TRAP1: variants seen among roughly 807,000 people sequenced by gnomAD.
The protein encoded by TRAP1 is heat shock protein 75 kDa, mitochondrial.
In TRAP1, 102 loss-of-function variants were observed where a neutral mutation model predicts 89.1. The observed-to-expected ratio is 1.15, with a 90% CI of 0.98 to 1.35. TRAP1 has a LOEUF of 1.35. Among genes scored for constraint, TRAP1 ranks in the 40% most tolerant of loss-of-function variants. The pLI is 0.00. For synonymous variants in TRAP1, 508 were observed against 388.0 expected (o/e 1.31, Z -3.64); for missense variants, 1,256 against 945.3 (o/e 1.33, Z -4.31).
Position 3,675,404 on chromosome 16 carries a change from G to T in TRAP1, c.815-7C>A, listed in dbSNP as rs376806496. 1.9e-6 allele frequency: 3 copies of T among 1,613,862 alleles called. No homozygotes were observed. Among genetic ancestry groups the T allele is most frequent in the African/African-American group, 2.7e-5 (2 of 74,930 alleles). On this transcript the variant is annotated splice_region_variant and splice_polypyrimidine_tract_variant and intron_variant, in intron 7 of 17. Coordinates refer to ENST00000246957, the MANE Select transcript of TRAP1 (RefSeq NM_016292.3). The stretch of plus-strand genomic sequence containing the variant: ...CTGTACTTCGTTACCACATCTGGAA[G>T]GGACAAAAGAAAAACCACACTGCAT...
intron 1 of TRAP1, among the ~76,000 whole-genome samples, chr16:3,705,195 G>C (rs1003689213): frequency 6.6e-6 from 1 of 152,048 alleles, no homozygotes; most frequent in Non-Finnish European, 1.5e-5. Context: ...GTCCCGAGTA[G>C]CTGGGACTAC....
intron 1 of TRAP1, among the ~76,000 whole-genome samples, chr16:3,709,994 A>G (rs1486170375): frequency 6.6e-6 from 1 of 152,202 alleles, no homozygotes; most frequent in Non-Finnish European, 1.5e-5. Flanking sequence ...AAAGACCTGT[A>G]TTCCCTCACA....
At chr16:3,670,954 G>A (rs1003494220) in intron 11 of TRAP1, among the ~76,000 whole-genome samples, 7 of 152,066 alleles carry the variant, frequency 4.6e-5, no homozygotes, top group South Asian at 2.1e-4. Context: ...TGCCCACAGC[G>A]CAGCCCCAAC....
intron 17 of TRAP1, 46 bp downstream of exon 17, chr16:3,658,747 G>C (rs367861336): frequency 2.5e-6 from 4 of 1,571,938 alleles, no homozygotes; most frequent in Non-Finnish European, 3.5e-6. Flanking sequence ...GGCTGGCAGG[G>C]CTGGTAGCCT....
rs562743343 is a variant in TRAP1, at chr16:3,692,429, G to A, written c.89-1444C>T. Among the ~76,000 whole-genome samples, 4 of 151,362 alleles carry A rather than the reference G, an allele frequency of 2.6e-5. No homozygotes were observed. In the South Asian group the frequency reaches 8.4e-4, roughly 32 times the overall value. ...CAGGCACCTGTAATCCCAGCTACTC[G>A]GGAGACTGAGGCAGGGGAATGGCTT... On this transcript the variant is annotated intron_variant, in intron 1 of 17. Transcript: ENST00000246957.
chr16:3,691,490 G>A (rs949656532), intron 1 of TRAP1, among the ~76,000 whole-genome samples: 3 of 152,304 alleles, frequency 2.0e-5, no homozygotes, highest in East Asian at 3.9e-4. Context: ...CAAAGAGCTG[G>A]GATGACAGGC....
At position 3,674,411 on chromosome 16, in the gene TRAP1, C is replaced by T. The variant is rs745629460; in HGVS notation, c.972G>A (p.Lys324=). 6.2e-7 allele frequency: 1 copy of T among 1,614,124 alleles called. No individual in the cohort carries two copies. Among genetic ancestry groups the T allele is most frequent in the Non-Finnish European group, 8.5e-7 (1 of 1,180,034 alleles). The change falls in exon 9 of 18, where the codon AAG becomes AAA. Residue 324 remains lysine, a synonymous_variant. Transcript: ENST00000246957. ...FYRYVAQAHD[K]PRYTLHYKTD... Reference sequence around the variant, plus strand: ...TCTTATAGTGCAGGGTGTAGCGGGGCTTGTCGTGAGCCTGCGCGACGTAGC... The same window carrying T: ...TCTTATAGTGCAGGGTGTAGCGGGGTTTGTCGTGAGCCTGCGCGACGTAGC...
intron 11 of TRAP1, among the ~76,000 whole-genome samples, chr16:3,669,777 G>A (rs1212000826): frequency 1.4e-5 from 2 of 143,972 alleles, no homozygotes; most frequent in East Asian, 4.2e-4. Context: ...AGCTTGCAGT[G>A]AGCCGAGATC....
At chr16:3,688,490 C>CT (rs1014503304) in intron 3 of TRAP1, among the ~76,000 whole-genome samples, 2 of 150,632 alleles carry the variant, frequency 1.3e-5, no homozygotes, top group East Asian at 1.9e-4. Flanking sequence ...ATTTGGGGGA[C>CT]TTTTTTTTTG....
intron 1 of TRAP1, among the ~76,000 whole-genome samples, chr16:3,715,584 A>G (rs2051587739): frequency 6.6e-6 from 1 of 152,164 alleles, no homozygotes; most frequent in Non-Finnish European, 1.5e-5. Flanking sequence ...ACAAACGACA[A>G]AGAGAAAAAA....
intron 1 of TRAP1, among the ~76,000 whole-genome samples, chr16:3,701,998 C>G (rs2051372020): frequency 6.6e-6 from 1 of 152,104 alleles, no homozygotes; most frequent in Non-Finnish European, 1.5e-5. Flanking sequence ...ATCACAAAGT[C>G]AGGAGTTCGA....
chr16:3,673,496 G>A (rs189654628), intron 9 of TRAP1, among the ~76,000 whole-genome samples: 2 of 152,312 alleles, frequency 1.3e-5, no homozygotes, highest in East Asian at 1.9e-4. Flanking sequence ...AAAATGCGGC[G>A]GGTATCTAGT....
intron 1 of TRAP1, among the ~76,000 whole-genome samples, chr16:3,697,344 T>C (rs934196070): frequency 1.3e-5 from 2 of 152,166 alleles, no homozygotes; most frequent in African/African-American, 4.8e-5. Flanking sequence ...CTTCTTCTTA[T>C]TGATTTGTAA....
chr16:3,713,610 T>A (rs1459744130), intron 1 of TRAP1, among the ~76,000 whole-genome samples: 2 of 152,218 alleles, frequency 1.3e-5, no homozygotes, highest in Non-Finnish European at 2.9e-5. Context: ...AACAAGAGCA[T>A]CTGGCATGAC....
At chr16:3,662,254 C>T in intron 15 of TRAP1, 122 bp from the exon 16 acceptor site, 2 of 1,205,266 alleles carry the variant, frequency 1.7e-6, no homozygotes, top group Non-Finnish European at 2.3e-6. Flanking sequence ...CAAGGACTCC[C>T]CTGGACCAGC....
chr16:3,664,490 T>A, intron 12 of TRAP1, 31 bp from the exon 13 acceptor site: 1 of 1,585,048 alleles, frequency 6.3e-7, no homozygotes. Context: ...CACCACTTAT[T>A]CCAGGCCCAT....
chr16:3,691,029 C>A (rs751895110), intron 1 of TRAP1, 44 bp from the exon 2 acceptor site: 7 of 1,412,620 alleles, frequency 5.0e-6, no homozygotes, highest in South Asian at 1.6e-5. Flanking sequence ...TAGGAAGACA[C>A]GAGAAACAAT....
intron 1 of TRAP1, 144 bp from the exon 2 acceptor site, chr16:3,691,129 C>A (rs2051208933): frequency 1.5e-6 from 1 of 680,200 alleles, no homozygotes; most frequent in Non-Finnish European, 2.2e-6. Context: ...TCCACAGGAC[C>A]AAATGCCACA....
intron 1 of TRAP1, among the ~76,000 whole-genome samples, chr16:3,704,638 A>C (rs1039188338): frequency 6.6e-6 from 1 of 152,162 alleles, no homozygotes; most frequent in African/African-American, 2.4e-5. Context: ...GGCTCCCTCG[A>C]GCTCAGGAGC....
Sources: allele counts gnomAD v4.1 joint callset (sites outside exome capture counted in the v4.1 genomes callset), GRCh38; gene constraint gnomAD v4.1.1; transcripts MANE v1.5; gene names NCBI Gene and HGNC (gene_info 2026-07-23, HGNC 2026-07-21).